Variants in ZFYVE26 observed in about 807,000 individuals in gnomAD.
The protein encoded by ZFYVE26 is zinc finger FYVE domain-containing protein 26.
A neutral mutation model predicts 276.5 loss-of-function variants in ZFYVE26; 181 were observed. The ratio of observed to expected loss-of-function variants is 0.65; its 90% CI spans 0.58 to 0.74. The LOEUF is 0.74. Among genes scored for constraint, ZFYVE26 ranks in the 30% least tolerant of loss-of-function variants. The pLI, the probability that ZFYVE26 is intolerant of heterozygous loss-of-function variation, is 0.00. For synonymous variants in ZFYVE26, 1,129 were observed against 1,203.1 expected, an observed-to-expected ratio of 0.94 and a Z score of 1.27; for missense variants, 2,821 against 3,097.9, an observed-to-expected ratio of 0.91 and a Z score of 2.12.
At chr14:67,761,987 G>A (rs1435680393) in intron 34 of ZFYVE26, 2 of 596,846 alleles carry the variant, frequency 3.4e-6, no homozygotes, top group Non-Finnish European at 5.9e-6. Context: ...TTTAAAAATT[G>A]TCTCCTTTTT....
At position 67,770,897 on chromosome 14, in the gene ZFYVE26, TG is replaced by T. The variant is rs1594899753; in HGVS notation, c.5484+1149del. ...TATGTCTCAACAAGCCACAACCAAT[TG>T]TCCTCCTTGAAGATTTGTAAGTTTA... On this transcript the variant is annotated intron_variant, in intron 28 of 41. Transcript: ENST00000347230. 2.6e-5 allele frequency among the ~76,000 whole-genome samples: 4 copies of T among 152,306 alleles called. No individual in the cohort carries two copies. In the East Asian group the frequency reaches 5.8e-4, roughly 22 times the overall value.
At chr14:67,736,733 G>A (rs1347400616) in intron 13 of ZFYVE26, among the ~76,000 whole-genome samples, 1 of 152,174 alleles carries the variant, frequency 6.6e-6, no homozygotes, top group African/African-American at 2.4e-5. Context: ...AACGGACTTC[G>A]AGATACAGAC....
At chr14:67,754,037 A>C (rs184494332) in intron 38 of ZFYVE26, 34 bp downstream of exon 38, 4 of 1,614,004 alleles carry the variant, frequency 2.5e-6, no homozygotes, top group Non-Finnish European at 3.4e-6. Context: ...AAAGATGACA[A>C]TAGTCTGCCA....
intron 14 of ZFYVE26, among the ~76,000 whole-genome samples, chr14:67,793,079 G>A (rs997943007): frequency 2.0e-5 from 3 of 151,996 alleles, no homozygotes; most frequent in Non-Finnish European, 2.9e-5. Context: ...GGCCAACATG[G>A]CAAAACCCTG....
intron 30 of ZFYVE26, 116 bp downstream of exon 30, chr14:67,768,401 C>G: frequency 8.2e-7 from 1 of 1,220,370 alleles, no homozygotes. Flanking sequence ...CTTTGGCAAA[C>G]AAGTTGGATG....
chr14:67,772,827 G>C (rs1402209413), intron 27 of ZFYVE26, among the ~76,000 whole-genome samples: 2 of 152,144 alleles, frequency 1.3e-5, no homozygotes, highest in East Asian at 3.9e-4. Context: ...CAGACATGGT[G>C]GTGTGTGCAT....
chr14:67,815,527 T>C, intron 2 of ZFYVE26: 2 of 572,340 alleles, frequency 3.5e-6, no homozygotes, highest in Middle Eastern at 4.7e-4. Context: ...AAACAAGAAA[T>C]GGCAGTTTCA....
intron 27 of ZFYVE26, among the ~76,000 whole-genome samples, chr14:67,774,628 G>C (rs11158694): frequency 0.68 from 103,188 of 152,068 alleles, 35,457 homozygotes; most frequent in East Asian, 0.98. Flanking sequence ...GGGGTGGCCT[G>C]AGGCAAGTCA....
At chr14:67,791,461 T>A (rs890065000) in intron 14 of ZFYVE26, among the ~76,000 whole-genome samples, 2 of 152,174 alleles carry the variant, frequency 1.3e-5, no homozygotes, top group Admixed American at 6.5e-5. Context: ...AGTTTTAGAT[T>A]TGAAATAATC....
intron 13 of ZFYVE26, among the ~76,000 whole-genome samples, chr14:67,731,507 G>T (rs1017457091): frequency 1.3e-5 from 2 of 151,790 alleles, no homozygotes; most frequent in African/African-American, 4.8e-5. Context: ...GAGCCACTGC[G>T]CCTGGTCTTC....
intron 37 of ZFYVE26, among the ~76,000 whole-genome samples, chr14:67,754,542 AAGAGAAATGAAT>A (rs1452761353): frequency 6.6e-6 from 1 of 152,226 alleles, no homozygotes; most frequent in Non-Finnish European, 1.5e-5. Context: ...TATAGGCTGG[AAGAGAAATGAAT>A]AGTAAACAAA....
chr14:67,762,471 A>G, intron 33 of ZFYVE26, 59 bp from the exon 34 acceptor site: 2 of 1,567,348 alleles, frequency 1.3e-6, no homozygotes, highest in Non-Finnish European at 1.7e-6. Context: ...TAAATGTCCC[A>G]AAGACCTATT....
At chr14:67,761,283 G>T (rs1227478507) in intron 35 of ZFYVE26, 83 bp downstream of exon 35, 2 of 1,295,136 alleles carry the variant, frequency 1.5e-6, no homozygotes, top group Admixed American at 3.9e-5. Context: ...GTGTCAGGGG[G>T]TTATTGTCCC....
intron 14 of ZFYVE26, among the ~76,000 whole-genome samples, chr14:67,793,093 C>G (rs1025732019): frequency 4.0e-5 from 6 of 151,862 alleles, no homozygotes; most frequent in Admixed American, 6.6e-5. Flanking sequence ...AACCCTGTCT[C>G]TACTAAAAAT....
chr14:67,755,304 G>C, intron 36 of ZFYVE26, 54 bp from the exon 37 acceptor site: 1 of 1,593,358 alleles, frequency 6.3e-7, no homozygotes, highest in South Asian at 1.1e-5. Flanking sequence ...TTTGGAGGGT[G>C]GGGTGTGATG....
intron 3 of ZFYVE26, among the ~76,000 whole-genome samples, chr14:67,811,651 A>G (rs2040304265): frequency 6.6e-6 from 1 of 151,760 alleles, no homozygotes. Context: ...TATATAAAAC[A>G]TATGTATGTC....
intron 15 of ZFYVE26, among the ~76,000 whole-genome samples, chr14:67,790,366 T>G (rs10131048): frequency 2.0e-5 from 3 of 152,038 alleles, no homozygotes; most frequent in African/African-American, 4.8e-5. Context: ...TGCAGTAGGT[T>G]GAGTGGTGGT....
At chr14:67,769,484 A>C in intron 29 of ZFYVE26, 110 bp downstream of exon 29, 1 of 1,510,812 alleles carries the variant, frequency 6.6e-7, no homozygotes, top group Non-Finnish European at 9.1e-7. Context: ...TGTGAATGTT[A>C]AACATTTCTG....
At position 67,748,389 on chromosome 14, in the gene ZFYVE26, T is replaced by A. The variant is rs1181302707; in HGVS notation, c.*47A>T. On this transcript the variant is annotated 3_prime_UTR_variant, in exon 42 of 42. Coordinates refer to ENST00000347230, the MANE Select transcript of ZFYVE26 (RefSeq NM_015346.4). Reference sequence around the variant, plus strand: ...AGGTGGAGGGCATCGCCATCACTGCTGTTGCCCAGCTCTCAGGCCACGTGT... The same window carrying A: ...AGGTGGAGGGCATCGCCATCACTGCAGTTGCCCAGCTCTCAGGCCACGTGT... The A allele has an allele frequency of 6.3e-7, 1 of 1,592,476 alleles. No homozygotes were observed. Among genetic ancestry groups the A allele is most frequent in the African/African-American group, 1.3e-5 (1 of 74,694 alleles).
Sources: gnomAD v4.1 joint callset for allele counts (sites outside exome capture counted in the v4.1 genomes callset) on GRCh38, gnomAD v4.1.1 for gene constraint, MANE v1.5 for transcripts, NCBI Gene and HGNC (gene_info 2026-07-23, HGNC 2026-07-21) for gene names.